The following LRRC37A2 variants were observed in gnomAD, a reference collection of about 807,000 sequenced individuals.
LRRC37A2 encodes the protein leucine-rich repeat-containing protein 37A2.
Under a neutral mutation model 68.8 loss-of-function variants are expected in LRRC37A2, and 9 were observed. That is an observed-to-expected ratio of 0.13 (90% CI 0.08 to 0.23). LRRC37A2 has a LOEUF of 0.23. Ranked by LOEUF, LRRC37A2 falls within the 10% of genes least tolerant of loss-of-function variation. The pLI, the probability that LRRC37A2 is intolerant of heterozygous loss-of-function variation, is 1.00. For synonymous variants in LRRC37A2, 63 were observed against 367.6 expected (o/e 0.17, Z 9.48); for missense variants, 168 against 950.4 (o/e 0.18, Z 10.82).
the LRRC37A2 span, among the ~76,000 whole-genome samples, chr17:46,819,743 A>G: frequency 1.1e-4 from 16 of 150,740 alleles, no homozygotes; most frequent in African/African-American, 3.9e-4. The surrounding 1 kb of genome is among the most constrained non-coding windows in gnomAD (Gnocchi z 5.3). Flanking sequence ...CCAGTTACCC[A>G]CCCCTCCCCA....
the LRRC37A2 span, among the ~76,000 whole-genome samples, chr17:46,976,670 T>C: frequency 6.6e-6 from 1 of 151,982 alleles, no homozygotes; most frequent in Admixed American, 6.5e-5. Context: ...TCGCCCTAAC[T>C]TGGCCCGGTG....
At chr17:46,958,816 A>G in the LRRC37A2 span, among the ~76,000 whole-genome samples, 2 of 152,230 alleles carry the variant, frequency 1.3e-5, no homozygotes, top group Admixed American at 6.5e-5. Flanking sequence ...GACACATGAC[A>G]TAGGTTAGGA....
At chr17:46,902,226 G>A in the LRRC37A2 span, among the ~76,000 whole-genome samples, 9 of 152,262 alleles carry the variant, frequency 5.9e-5, no homozygotes, top group South Asian at 2.1e-4. Context: ...TGGGAAGTCC[G>A]GGTGGTGCAC....
the LRRC37A2 span, among the ~76,000 whole-genome samples, chr17:46,827,895 C>A: frequency 6.6e-6 from 1 of 151,642 alleles, no homozygotes; most frequent in African/African-American, 2.4e-5. Flanking sequence ...CTGCAAGCTC[C>A]GCGCCCCAGG....
At chr17:46,923,236 G>T in the LRRC37A2 span, 42 of 1,551,176 alleles carry the variant, frequency 2.7e-5, no homozygotes, top group East Asian at 5.9e-4. Context: ...GGGCCGGTCG[G>T]GGAGCGGGCA....
At chr17:46,707,891 G>T in the LRRC37A2 span, among the ~76,000 whole-genome samples, 3 of 152,220 alleles carry the variant, frequency 2.0e-5, no homozygotes, top group South Asian at 6.2e-4. Flanking sequence ...AAATTAGCCA[G>T]GAGTGGTGGC....
the LRRC37A2 span, among the ~76,000 whole-genome samples, chr17:46,784,197 C>T: frequency 4.6e-5 from 7 of 152,084 alleles, no homozygotes; most frequent in Admixed American, 2.6e-4. Context: ...CCATGAGAAA[C>T]AGGAGGAAGG....
downstream of LRRC37A2, among the ~76,000 whole-genome samples, chr17:46,557,899 T>C (rs868826278): frequency 1.1e-4 from 10 of 89,250 alleles, no homozygotes; most frequent in Admixed American, 3.7e-4. Flanking sequence ...CCTGAGCTGA[T>C]TGGAGAAACA....
chr17:46,954,952 T>C, the LRRC37A2 span, among the ~76,000 whole-genome samples: 1 of 152,160 alleles, frequency 6.6e-6, no homozygotes, highest in South Asian at 2.1e-4. Flanking sequence ...TATACAATCA[T>C]GTCATCTGCA....
At chr17:46,833,419 G>A in the LRRC37A2 span, 1 of 517,366 alleles carries the variant, frequency 1.9e-6, no homozygotes, top group Admixed American at 1.9e-5. Context: ...AGCCTTACCA[G>A]CCCTCTAAGA....
the LRRC37A2 span, among the ~76,000 whole-genome samples, chr17:46,843,426 A>C: frequency 6.6e-6 from 1 of 152,152 alleles, no homozygotes; most frequent in South Asian, 2.1e-4. Context: ...AAAGTGAAGA[A>C]AGAAGGACTG....
At chr17:46,994,751 GA>G in the LRRC37A2 span, among the ~76,000 whole-genome samples, 1 of 152,028 alleles carries the variant, frequency 6.6e-6, no homozygotes, top group African/African-American at 2.4e-5. Context: ...CCCTGCCAAT[GA>G]GCAGACTAAC....
the LRRC37A2 span, among the ~76,000 whole-genome samples, chr17:46,855,785 A>G: frequency 6.7e-6 from 1 of 148,626 alleles, no homozygotes; most frequent in Non-Finnish European, 1.5e-5. Flanking sequence ...TGCAACCTCC[A>G]CCTCCCAAGT....
chr17:46,874,572 T>C, the LRRC37A2 span, among the ~76,000 whole-genome samples: 1 of 152,138 alleles, frequency 6.6e-6, no homozygotes, highest in African/African-American at 2.4e-5. Context: ...TATTTATTTA[T>C]TTATAAATTA....
At chr17:46,834,430 G>T in the LRRC37A2 span, among the ~76,000 whole-genome samples, 1 of 152,122 alleles carries the variant, frequency 6.6e-6, no homozygotes, top group East Asian at 1.9e-4. Context: ...GGCCACCAAG[G>T]AGCCCACTAG....
chr17:46,642,271 A>G, the LRRC37A2 span, among the ~76,000 whole-genome samples: 1 of 111,744 alleles, frequency 8.9e-6, no homozygotes. Context: ...ACATTGTAGA[A>G]TGATCAAATC....
the LRRC37A2 span, among the ~76,000 whole-genome samples, chr17:47,032,700 A>G: frequency 1.1e-4 from 16 of 151,742 alleles, no homozygotes; most frequent in African/African-American, 3.9e-4. Flanking sequence ...TGTCCAGCGC[A>G]TTGCTAGGCA....
chr17:46,904,551 G>A, the LRRC37A2 span, among the ~76,000 whole-genome samples: 3 of 151,998 alleles, frequency 2.0e-5, no homozygotes, highest in East Asian at 3.9e-4. Context: ...ATGGATGAAC[G>A]GGTAGCTGGC....
the LRRC37A2 span, among the ~76,000 whole-genome samples, chr17:46,775,459 G>A: frequency 6.6e-6 from 1 of 152,162 alleles, no homozygotes; most frequent in East Asian, 1.9e-4. Flanking sequence ...TTGTCAGGGG[G>A]AGAGGCAGGT....
Sources: allele counts gnomAD v4.1 joint callset (sites outside exome capture counted in the v4.1 genomes callset), GRCh38; gene constraint gnomAD v4.1.1; non-coding constraint Gnocchi (gnomAD v3.1); transcripts MANE v1.5; gene names NCBI Gene and HGNC (gene_info 2026-07-23, HGNC 2026-07-21).